Variants in HUWE1 observed in about 807,000 individuals in gnomAD.
HUWE1 encodes E3 ubiquitin-protein ligase HUWE1.
In HUWE1, 18 loss-of-function variants were observed where a neutral mutation model predicts 299.4. That is an observed-to-expected ratio of 0.06 (90% CI 0.04 to 0.09). The LOEUF is 0.09. HUWE1 is among the 10% of genes least tolerant of loss of function. The probability of loss-of-function intolerance (pLI) is 1.00; values close to 1 mark genes in which losing one functional copy is unlikely to be tolerated. For missense variants in HUWE1, 1,832 were observed against 3,462.3 expected (o/e 0.53, Z 11.82); for synonymous variants, 1,317 against 1,286.1 (o/e 1.02, Z -0.51).
At chrX:53,641,139 C>T (rs1557030731) in intron 7 of HUWE1, among the ~76,000 whole-genome samples, 1 of 111,808 alleles carries the variant, frequency 8.9e-6, no homozygotes, top group Non-Finnish European at 1.9e-5. Context: ...GTTCTAAACA[C>T]ATTTTCCCCT....
chrX:53,630,665 A>G (rs891593472), intron 12 of HUWE1, among the ~76,000 whole-genome samples: 5 of 107,663 alleles, frequency 4.6e-5, no homozygotes, highest in African/African-American at 6.7e-5. Flanking sequence ...AGCTACAAGC[A>G]TATCTATTAA....
At chrX:53,605,482 A>G (rs987898837) in intron 25 of HUWE1, among the ~76,000 whole-genome samples, 1 of 112,286 alleles carries the variant, frequency 8.9e-6, no homozygotes, top group Admixed American at 9.4e-5. Flanking sequence ...TTCAAAGAGT[A>G]AAACAAAATA....
intron 6 of HUWE1, 37 bp from the exon 7 acceptor site, chrX:53,645,500 G>A: frequency 8.5e-7 from 1 of 1,182,557 alleles, no homozygotes; most frequent in Non-Finnish European, 1.1e-6. Flanking sequence ...CAAGGTATCA[G>A]GCACAACTGG....
chrX:53,548,877 A>T (rs2061655693), intron 67 of HUWE1, 82 bp downstream of exon 67: 2 of 823,164 alleles, frequency 2.4e-6, no homozygotes, highest in South Asian at 4.4e-5. Context: ...AAGACACGCT[A>T]GCCTGCTTAG....
intron 43 of HUWE1, among the ~76,000 whole-genome samples, chrX:53,578,531 T>TG (rs2063340693): frequency 5.4e-5 from 2 of 37,126 alleles, no homozygotes; most frequent in African/African-American, 1.1e-4. Flanking sequence ...GGGAGGGAGG[T>TG]GGGGGGTCAG....
chrX:53,594,117 CAAAACAAAA>C (rs1226593183), intron 31 of HUWE1, among the ~76,000 whole-genome samples: 3 of 110,915 alleles, frequency 2.7e-5, no homozygotes, highest in Non-Finnish European at 5.7e-5. Context: ...AAAAACAAAA[CAAAACAAAA>C]AAAACACAAA....
At chrX:53,631,082 GA>G (rs782554059) in intron 11 of HUWE1, 48 bp from the exon 12 acceptor site, 4 of 783,944 alleles carry the variant, frequency 5.1e-6, no homozygotes, top group Non-Finnish European at 7.9e-6. Flanking sequence ...TGAAAAAGGT[GA>G]ATATTCTTTA....
chrX:53,657,309 C>G (rs2068793199), intron 3 of HUWE1, among the ~76,000 whole-genome samples: 1 of 112,276 alleles, frequency 8.9e-6, no homozygotes, highest in Admixed American at 9.4e-5. Flanking sequence ...CGCAGTGGCT[C>G]ATGCCTGTAA....
intron 3 of HUWE1, among the ~76,000 whole-genome samples, chrX:53,672,708 C>T (rs1458918365): frequency 8.9e-6 from 1 of 111,761 alleles, no homozygotes. Context: ...TGATGGTATA[C>T]AGATGTTCAT....
intron 44 of HUWE1, 35 bp from the exon 45 acceptor site, chrX:53,575,823 A>G: frequency 8.4e-7 from 1 of 1,192,215 alleles, no homozygotes; most frequent in South Asian, 1.8e-5. Context: ...AAAACAAAAT[A>G]AACCTCTTCT....
At chrX:53,668,262 T>C (rs1175606504) in intron 3 of HUWE1, among the ~76,000 whole-genome samples, 2 of 109,206 alleles carry the variant, frequency 1.8e-5, no homozygotes, top group Non-Finnish European at 3.8e-5. Flanking sequence ...GCCAACATGG[T>C]GAAACCCCGT....
chrX:53,635,250 T>A (rs1348958390), intron 7 of HUWE1, among the ~76,000 whole-genome samples: 3 of 109,010 alleles, frequency 2.8e-5, no homozygotes, highest in Non-Finnish European at 5.7e-5. Context: ...ATTATAAATA[T>A]GTAAATTATA....
At chrX:53,562,730 AT>A in intron 53 of HUWE1, 100 bp downstream of exon 53, 1 of 627,054 alleles carries the variant, frequency 1.6e-6, no homozygotes, top group Non-Finnish European at 2.7e-6. Flanking sequence ...ATGCTTCCTT[AT>A]TCTGCACATG....
intron 7 of HUWE1, among the ~76,000 whole-genome samples, chrX:53,639,385 C>T (rs1249858055): frequency 2.7e-5 from 3 of 111,485 alleles, no homozygotes; most frequent in Non-Finnish European, 3.8e-5. Context: ...CTTAATGTAG[C>T]ATCATTCATA....
intron 41 of HUWE1, 45 bp downstream of exon 41, chrX:53,584,141 C>G: frequency 8.6e-7 from 1 of 1,160,422 alleles, no homozygotes; most frequent in Non-Finnish European, 1.2e-6. Context: ...AGACCTTAAG[C>G]CACAAAGGCA....
intron 15 of HUWE1, among the ~76,000 whole-genome samples, 178 bp from the exon 16 acceptor site, chrX:53,628,057 C>T (rs1337619395): frequency 9.0e-6 from 1 of 111,288 alleles, no homozygotes; most frequent in East Asian, 2.8e-4. Context: ...TGCGACTCAA[C>T]CTCTGAGGTA....
intron 24 of HUWE1, 66 bp from the exon 25 acceptor site, chrX:53,607,765 A>G (rs2065224366): frequency 1.1e-5 from 8 of 717,401 alleles, no homozygotes; most frequent in Admixed American, 2.6e-5. Context: ...CCAGCCTGGA[A>G]TAAGGATGGG....
Position 53,604,745 on chromosome X carries a change from A to G in HUWE1, c.2586T>C (p.Ile862=), listed in dbSNP as rs782232334. 1 of 1,210,019 alleles carries G rather than the reference A, an allele frequency of 8.3e-7. No homozygotes were observed. Among genetic ancestry groups the G allele is most frequent in the South Asian group, 1.8e-5 (1 of 56,819 alleles). ...ACAACACTGAGCCCCCAGGGGATTC[A>G]ATGGGGCGGTGTAAGGGCTCCAGGG... ...LSSLEPLHRP[I]ESPGGSVLLR... Residue 862 remains isoleucine, a synonymous_variant, in exon 26 of 84, where the codon ATT becomes ATC. Coordinates refer to ENST00000262854, the MANE Select transcript of HUWE1 (RefSeq NM_031407.7).
rs782206252 is a variant in HUWE1, at chrX:53,614,632, G to A, written c.2163C>T (p.Ala721=). 23 of 1,205,560 alleles carry A rather than the reference G, an allele frequency of 1.9e-5. No homozygotes were observed. Among genetic ancestry groups the A allele is most frequent in the East Asian group, 3.0e-5 (1 of 33,723 alleles). Residue 721 remains alanine (A), a synonymous_variant, in exon 23 of 84, where the codon GCC becomes GCT. Transcript: ENST00000262854. ...ATAPPPRSNH[A]AEEASSEDEE... ...CATCCTCACTAGAGGCTTCTTCTGC[G>A]GCATGATTAGACCTTGGGGGAGGAG...
Sources: gnomAD v4.1 joint callset for allele counts (sites outside exome capture counted in the v4.1 genomes callset) on GRCh38, gnomAD v4.1.1 for gene constraint, MANE v1.5 for transcripts, NCBI Gene and HGNC (gene_info 2026-07-23, HGNC 2026-07-21) for gene names.